The following CRACD variants were observed in gnomAD, a reference collection of about 807,000 sequenced individuals.
CRACD encodes the protein capping protein inhibiting regulator of actin dynamics.
CRACD carries 56 observed loss-of-function variants against 106.8 expected under a neutral mutation model. The observed-to-expected ratio is 0.52, with a 90% CI of 0.42 to 0.66. The LOEUF is 0.66. Ranked by LOEUF, CRACD falls within the 30% of genes least tolerant of loss-of-function variation. The probability of loss-of-function intolerance (pLI) is 0.00; values close to 1 mark genes in which losing one functional copy is unlikely to be tolerated. For missense variants in CRACD, 1,730 were observed against 1,623.2 expected (o/e 1.07, Z -1.13); for synonymous variants, 754 against 670.8 (o/e 1.12, Z -1.92).
chr4:56,178,218 G>A (rs1736667928), intron 1 of CRACD, among the ~76,000 whole-genome samples: 2 of 152,120 alleles, frequency 1.3e-5, no homozygotes, highest in African/African-American at 4.8e-5. Context: ...GCAGAATGTT[G>A]AGCTCATTTC....
chr4:56,287,598 A>T, intron 3 of CRACD, among the ~76,000 whole-genome samples: 1 of 151,898 alleles, frequency 6.6e-6, no homozygotes, highest in East Asian at 1.9e-4. Flanking sequence ...CTAATTTTTT[A>T]TTATTTTTTG....
chr4:56,237,408 A>AT (rs1740041697), intron 2 of CRACD, among the ~76,000 whole-genome samples: 1 of 152,190 alleles, frequency 6.6e-6, no homozygotes, highest in Non-Finnish European at 1.5e-5. Context: ...ACTTGTATGC[A>AT]TTTAAGTCCT....
chr4:56,268,107 G>A (rs1355749800), intron 2 of CRACD, among the ~76,000 whole-genome samples: 1 of 152,152 alleles, frequency 6.6e-6, no homozygotes, highest in East Asian at 1.9e-4. Flanking sequence ...TGACACAGAG[G>A]ACCTCATCAA....
chr4:56,169,199 A>G (rs1039297170), intron 1 of CRACD, among the ~76,000 whole-genome samples: 5 of 152,204 alleles, frequency 3.3e-5, no homozygotes, highest in Non-Finnish European at 7.3e-5. Flanking sequence ...TGAAATCCCA[A>G]CAAAGGAGCC....
intron 8 of CRACD, among the ~76,000 whole-genome samples, chr4:56,322,177 GA>G (rs1746146126): frequency 6.6e-6 from 1 of 152,178 alleles, no homozygotes; most frequent in Non-Finnish European, 1.5e-5. Flanking sequence ...AGGCATATAA[GA>G]ACAGCTCACT....
intron 3 of CRACD, among the ~76,000 whole-genome samples, chr4:56,273,578 T>C (rs1026170581): frequency 1.3e-5 from 2 of 152,184 alleles, no homozygotes; most frequent in African/African-American, 4.8e-5. Context: ...TAAACTCTGA[T>C]ACTGACAGCT....
In CRACD at chr4:56,068,747, A is replaced by ACCCC. The variant is rs1351220231; in HGVS notation, c.-336+19449_-336+19450insCCCC. On this transcript the variant is annotated intron_variant, in intron 1 of 10. Coordinates refer to ENST00000682029, the MANE Select transcript of CRACD (RefSeq NM_001393381.1). ...TTTTTGCCCTGACTGAGGTGGTAGG[A>ACCCC]CTACAGCGGGGGATGGATTTTGTGC... Among the ~76,000 whole-genome samples the ACCCC allele has an allele frequency of 2.0e-5, 3 of 152,156 alleles. No homozygotes were observed. The East Asian group carries it at 5.8e-4, about 29-fold the overall frequency.
intron 1 of CRACD, among the ~76,000 whole-genome samples, chr4:56,116,333 C>T (rs1034691749): frequency 2.6e-5 from 4 of 152,168 alleles, no homozygotes; most frequent in African/African-American, 9.6e-5. Flanking sequence ...AGACCCTTTA[C>T]ACAATCTACA....
chr4:56,091,802 T>G (rs907942827), intron 1 of CRACD, among the ~76,000 whole-genome samples: 3 of 152,208 alleles, frequency 2.0e-5, no homozygotes, highest in African/African-American at 7.2e-5. Flanking sequence ...GGAGGAAATT[T>G]ATACCCTTTT....
chr4:56,066,633 G>A (rs1732474790), intron 1 of CRACD, among the ~76,000 whole-genome samples: 1 of 152,182 alleles, frequency 6.6e-6, no homozygotes, highest in South Asian at 2.1e-4. Context: ...AAGAGAAGCA[G>A]GTGGCAGGTA....
chr4:56,191,720 G>A (rs1232950865), intron 2 of CRACD, among the ~76,000 whole-genome samples: 1 of 152,182 alleles, frequency 6.6e-6, no homozygotes, highest in Non-Finnish European at 1.5e-5. Context: ...AGACCTGTGT[G>A]GAACGCCCAA....
chr4:56,152,347 T>C (rs1051554476), intron 1 of CRACD, among the ~76,000 whole-genome samples: 1 of 151,804 alleles, frequency 6.6e-6, no homozygotes, highest in Non-Finnish European at 1.5e-5. Context: ...GTAATAAATA[T>C]TTTTGGCCAT....
rs116072840 is a variant in CRACD at position 56,164,588 on chromosome 4, A to G, written c.-335-14696A>G. Among the ~76,000 whole-genome samples the G allele has an allele frequency of 4.7e-3, 722 of 152,328 alleles. 10 individuals carry two copies. Among genetic ancestry groups the G allele is most frequent in the African/African-American group, 0.016 (682 of 41,576 alleles). The stretch of plus-strand genomic sequence containing the variant: ...AGCCATACTGTATGATTTCATGTAT[A>G]TGACATTTGGGAGAGAGCAAAACTA... On this transcript the variant is annotated intron_variant, in intron 1 of 10. Coordinates refer to ENST00000682029, the MANE Select transcript of CRACD (RefSeq NM_001393381.1).
intron 2 of CRACD, among the ~76,000 whole-genome samples, chr4:56,254,683 G>T (rs1169074097): frequency 6.6e-6 from 1 of 151,980 alleles, no homozygotes; most frequent in Non-Finnish European, 1.5e-5. Context: ...TACTCACATA[G>T]TAAAACTAGT....
chr4:56,119,775 G>A (rs990596729), intron 1 of CRACD, among the ~76,000 whole-genome samples: 1 of 152,028 alleles, frequency 6.6e-6, no homozygotes, highest in African/African-American at 2.4e-5. Context: ...GCTTTAATTG[G>A]ACGCTTGCAG....
At chr4:56,202,244 TC>T (rs2109475679) in intron 2 of CRACD, among the ~76,000 whole-genome samples, 1 of 152,322 alleles carries the variant, frequency 6.6e-6, no homozygotes, top group African/African-American at 2.4e-5. Flanking sequence ...TTCCTGTTTT[TC>T]AAGTGACATC....
Position 56,310,650 on chromosome 4 carries a change from T to G in CRACD, c.286-16T>G, listed in dbSNP as rs1745092343. ...CTGTTCAGGCCTTTGACTTGAATGC[T>G]CTCTTACTGTTCCAGTCCAGTGATA... On this transcript the variant is annotated splice_polypyrimidine_tract_variant and intron_variant, in intron 5 of 10. Coordinates refer to ENST00000682029, the MANE Select transcript of CRACD (RefSeq NM_001393381.1). The G allele has an allele frequency of 1.9e-6, 3 of 1,592,466 alleles. No individual in the cohort carries two copies. The highest frequency in any genetic ancestry group is 2.6e-6 in the Non-Finnish European group (3 of 1,160,440).
Position 56,316,643 on chromosome 4 carries a change from C to G in CRACD, c.3141C>G (p.Ala1047=). The change falls in exon 8 of 11, where the codon GCC becomes GCG. Residue 1047 remains alanine (A), a synonymous_variant. Coordinates refer to ENST00000682029, the MANE Select transcript of CRACD (RefSeq NM_001393381.1). The part of the protein sequence containing the change: ...ERKPASPPLP[A]TQQEKPSQTP... ...AACCTGCTTCCCCACCTCTGCCTGC[C>G]ACTCAGCAAGAGAAACCTTCTCAAA... The G allele has an allele frequency of 6.2e-7, 1 of 1,613,304 alleles. No homozygotes were observed. Among genetic ancestry groups the G allele is most frequent in the East Asian group, 2.2e-5 (1 of 44,864 alleles).
chr4:56,108,708 G>A (rs1314385428), intron 1 of CRACD, among the ~76,000 whole-genome samples: 2 of 152,218 alleles, frequency 1.3e-5, no homozygotes, highest in Non-Finnish European at 2.9e-5. Context: ...AGCAAGTCAT[G>A]TGATCATGGG....
Sources: allele counts gnomAD v4.1 joint callset (sites outside exome capture counted in the v4.1 genomes callset), GRCh38; gene constraint gnomAD v4.1.1; transcripts MANE v1.5; gene names NCBI Gene and HGNC (gene_info 2026-07-23, HGNC 2026-07-21).